NAALADL2: variants seen among roughly 807,000 people sequenced by gnomAD.
The protein encoded by NAALADL2 is inactive N-acetylated-alpha-linked acidic dipeptidase-like protein 2.
In NAALADL2, 76 loss-of-function variants were observed where a neutral mutation model predicts 87.2. That is an observed-to-expected ratio of 0.87 (90% CI 0.72 to 1.05). The LOEUF (loss-of-function observed/expected upper bound fraction) is 1.05. Among genes scored for constraint, NAALADL2 ranks in the 50% least tolerant of loss-of-function variants. NAALADL2 has a pLI of 0.00. For synonymous variants in NAALADL2, 354 were observed against 331.0 expected, an observed-to-expected ratio of 1.07 and a Z score of -0.75; for missense variants, 1,089 against 945.8, an observed-to-expected ratio of 1.15 and a Z score of -1.99.
intron 1 of NAALADL2, among the ~76,000 whole-genome samples, chr3:175,012,885 C>T (rs757265231): frequency 1.3e-5 from 2 of 150,386 alleles, no homozygotes; most frequent in Non-Finnish European, 2.9e-5. Context: ...TCCAACATTT[C>T]AGAAACAAAA....
chr3:175,750,261 C>T (rs116084110), intron 12 of NAALADL2, among the ~76,000 whole-genome samples: 240 of 152,216 alleles, frequency 1.6e-3, no homozygotes, highest in African/African-American at 5.6e-3. Context: ...ACAGGATGAT[C>T]GTTGGCTAGA....
At chr3:175,050,785 A>T (rs1388207513) in intron 1 of NAALADL2, among the ~76,000 whole-genome samples, 1 of 152,222 alleles carries the variant, frequency 6.6e-6, no homozygotes, top group Non-Finnish European at 1.5e-5. Flanking sequence ...TATTATGACC[A>T]CATCTAATTG....
chr3:174,600,968 G>A (rs1718393339), intron 2 of NAALADL2, among the ~76,000 whole-genome samples: 1 of 152,096 alleles, frequency 6.6e-6, no homozygotes, highest in South Asian at 2.1e-4. Context: ...ATTTATTTAT[G>A]GGTTACATGA....
At chr3:174,689,377 C>T (rs1394009042) in intron 2 of NAALADL2, among the ~76,000 whole-genome samples, 1 of 146,204 alleles carries the variant, frequency 6.8e-6, no homozygotes, top group Non-Finnish European at 1.5e-5. Flanking sequence ...GCCTAAATCC[C>T]CCTCTACCCC....
chr3:174,539,866 C>G (rs1255651852), intron 1 of NAALADL2, among the ~76,000 whole-genome samples: 3 of 146,514 alleles, frequency 2.0e-5, no homozygotes, highest in Admixed American at 7.1e-5. Flanking sequence ...AAAACATGAA[C>G]AAAGATGCCA....
intron 2 of NAALADL2, among the ~76,000 whole-genome samples, chr3:175,098,398 CAG>C (rs1477348134): frequency 1.3e-4 from 20 of 152,210 alleles, no homozygotes; most frequent in African/African-American, 4.1e-4. Flanking sequence ...ATAAGCCAAT[CAG>C]GGGATACTCA....
At chr3:174,663,594 G>A (rs1725699651) in intron 2 of NAALADL2, among the ~76,000 whole-genome samples, 1 of 152,010 alleles carries the variant, frequency 6.6e-6, no homozygotes, top group African/African-American at 2.4e-5. Context: ...GACTAAGAGT[G>A]AGAATTCACT....
intron 10 of NAALADL2, among the ~76,000 whole-genome samples, chr3:175,626,359 A>G (rs73171425): frequency 0.013 from 1,915 of 152,068 alleles, 28 homozygotes; most frequent in Non-Finnish European, 0.019. Flanking sequence ...TATCTTAAAT[A>G]CAGTGAATAC....
At chr3:174,579,954 C>G (rs1006131972) in intron 2 of NAALADL2, among the ~76,000 whole-genome samples, 2 of 151,824 alleles carry the variant, frequency 1.3e-5, no homozygotes, top group African/African-American at 4.8e-5. Flanking sequence ...ACTTTGTGAT[C>G]ATATGCCCAG....
intron 1 of NAALADL2, among the ~76,000 whole-genome samples, chr3:174,548,194 C>T (rs1018471953): frequency 2.6e-5 from 4 of 152,054 alleles, no homozygotes; most frequent in African/African-American, 4.8e-5. Context: ...TTCATACAGT[C>T]GGAGAACTTT....
intron 1 of NAALADL2, among the ~76,000 whole-genome samples, chr3:174,499,270 T>A (rs1305984427): frequency 1.3e-5 from 2 of 152,116 alleles, no homozygotes; most frequent in Non-Finnish European, 2.9e-5. Flanking sequence ...TTGTTAAGTT[T>A]TGAAAGTTCT....
intron 13 of NAALADL2, among the ~76,000 whole-genome samples, chr3:175,767,881 G>A (rs1005354973): frequency 8.2e-4 from 125 of 152,208 alleles, no homozygotes; most frequent in African/African-American, 2.9e-3. Context: ...GCCTGAAACC[G>A]TTGCTGAAGA....
intron 1 of NAALADL2, among the ~76,000 whole-genome samples, chr3:174,927,880 G>A (rs1313025934): frequency 6.6e-6 from 1 of 152,118 alleles, no homozygotes; most frequent in Non-Finnish European, 1.5e-5. Context: ...AAAGGAGATA[G>A]AGACACAAAA....
chr3:174,719,446 A>C (rs1236703305), intron 2 of NAALADL2, among the ~76,000 whole-genome samples: 2 of 152,246 alleles, frequency 1.3e-5, no homozygotes, highest in South Asian at 2.1e-4. Context: ...ATATAACTTT[A>C]ATGCCTATGT....
intron 3 of NAALADL2, among the ~76,000 whole-genome samples, chr3:174,812,452 C>T (rs954562544): frequency 1.3e-5 from 2 of 152,070 alleles, no homozygotes; most frequent in East Asian, 1.9e-4. Flanking sequence ...ATTTATAGTA[C>T]GTAATACTTG....
At chr3:175,320,144 A>G (rs1254800358) in intron 4 of NAALADL2, among the ~76,000 whole-genome samples, 1 of 152,204 alleles carries the variant, frequency 6.6e-6, no homozygotes, top group African/African-American at 2.4e-5. Context: ...CTCTCTCTTG[A>G]AAAACTAATA....
At chr3:174,483,070 C>A (rs976786105) in intron 1 of NAALADL2, among the ~76,000 whole-genome samples, 2 of 151,956 alleles carry the variant, frequency 1.3e-5, no homozygotes, top group Admixed American at 6.6e-5. Flanking sequence ...GTTTCTCCAA[C>A]CCCTCCTTGA....
At chr3:174,474,523 G>A (rs1717098432) in intron 1 of NAALADL2, among the ~76,000 whole-genome samples, 1 of 151,884 alleles carries the variant, frequency 6.6e-6, no homozygotes, top group African/African-American at 2.4e-5. Context: ...TAACTATAAG[G>A]GGAGTTACTT....
At chr3:175,051,769 A>G (rs1049257888) in intron 1 of NAALADL2, among the ~76,000 whole-genome samples, 1 of 152,222 alleles carries the variant, frequency 6.6e-6, no homozygotes, top group Admixed American at 6.5e-5. Context: ...CACAAATGGT[A>G]CTTGGGATTG....
Sources: allele counts gnomAD v4.1 joint callset (sites outside exome capture counted in the v4.1 genomes callset), GRCh38; gene constraint gnomAD v4.1.1; transcripts MANE v1.5; gene names NCBI Gene and HGNC (gene_info 2026-07-23, HGNC 2026-07-21).